The following LRP12 variants were observed in gnomAD, a reference collection of about 807,000 sequenced individuals.
The protein encoded by LRP12 is low-density lipoprotein receptor-related protein 12.
LRP12 carries 14 observed loss-of-function variants against 66.0 expected under a neutral mutation model. The ratio of observed to expected loss-of-function variants is 0.21; its 90% CI spans 0.14 to 0.33. LRP12 has a LOEUF of 0.33. Ranked by LOEUF, LRP12 falls within the 10% of genes least tolerant of loss-of-function variation. The pLI, the probability that LRP12 is intolerant of heterozygous loss-of-function variation, is 1.00. For missense variants in LRP12, 889 were observed against 1,053.4 expected, an observed-to-expected ratio of 0.84 and a Z score of 2.16; for synonymous variants, 357 against 359.1, an observed-to-expected ratio of 0.99 and a Z score of 0.07.
chr8:104,576,982 C>A (rs1037024865), intron 1 of LRP12, among the ~76,000 whole-genome samples: 2 of 151,874 alleles, frequency 1.3e-5, no homozygotes, highest in African/African-American at 4.8e-5. Context: ...AAACACAGAT[C>A]GAAAAAGACA....
chr8:104,565,489 T>A (rs1369312783), intron 1 of LRP12, among the ~76,000 whole-genome samples: 1 of 152,066 alleles, frequency 6.6e-6, no homozygotes, highest in African/African-American at 2.4e-5. Context: ...AGCCTGGAAT[T>A]CCATATCCAG....
intron 2 of LRP12, among the ~76,000 whole-genome samples, chr8:104,513,004 T>C (rs1469028342): frequency 6.6e-6 from 1 of 152,232 alleles, no homozygotes; most frequent in Non-Finnish European, 1.5e-5. Flanking sequence ...GATTTAGTTA[T>C]GCACATTTCC....
At chr8:104,537,644 C>G (rs1047690259) in intron 1 of LRP12, among the ~76,000 whole-genome samples, 2 of 152,098 alleles carry the variant, frequency 1.3e-5, no homozygotes, top group Non-Finnish European at 2.9e-5. Context: ...AACTAGAACT[C>G]TCAAAAATTG....
At chr8:104,576,060 A>T (rs150877635) in intron 1 of LRP12, among the ~76,000 whole-genome samples, 1 of 152,318 alleles carries the variant, frequency 6.6e-6, no homozygotes, top group East Asian at 1.9e-4. Context: ...AGATAGTCAG[A>T]CAAGAACAGA....
At chr8:104,556,603 C>G (rs1244974342) in intron 1 of LRP12, among the ~76,000 whole-genome samples, 1 of 152,070 alleles carries the variant, frequency 6.6e-6, no homozygotes, top group Non-Finnish European at 1.5e-5. Flanking sequence ...CAATAACAAG[C>G]AGCAAGGCTG....
At chr8:104,548,628 T>A (rs1020624443) in intron 1 of LRP12, among the ~76,000 whole-genome samples, 4 of 114,526 alleles carry the variant, frequency 3.5e-5, no homozygotes, top group Admixed American at 8.5e-5. Context: ...ATTATATAAT[T>A]ATTATATAAT....
chr8:104,564,586 A>T (rs1300103738), intron 1 of LRP12, among the ~76,000 whole-genome samples: 2 of 151,990 alleles, frequency 1.3e-5, no homozygotes, highest in Non-Finnish European at 2.9e-5. Context: ...GAAAGACACA[A>T]ATCAGCACCG....
intron 3 of LRP12, chr8:104,504,603 CTTTTA>C (rs1810877451): frequency 1.3e-5 from 2 of 151,732 alleles, no homozygotes; most frequent in Non-Finnish European, 2.9e-5. Context: ...TTATTTTTTT[CTTTTA>C]TTTTAATTGC....
Position 104,514,146 on chromosome 8 carries a change from C to T in LRP12, c.137-5072G>A, listed in dbSNP as rs535241652. On this transcript the variant is annotated intron_variant, in intron 2 of 6. Transcript: ENST00000276654. ...CAGTCAGAAATTGAGCCTGCCTTCA[C>T]CACTTCTTAGGGAACCAAGGCCTGT... Among the ~76,000 whole-genome samples the T allele has an allele frequency of 1.2e-4, 19 of 152,192 alleles. No homozygotes were observed. In the South Asian group the frequency reaches 1.7e-3, roughly 13 times the overall value.
chr8:104,535,297 A>G (rs941186385), intron 1 of LRP12, among the ~76,000 whole-genome samples: 1 of 152,008 alleles, frequency 6.6e-6, no homozygotes, highest in South Asian at 2.1e-4. Context: ...GCTTTAGGAA[A>G]GAAACTATAC....
At chr8:104,510,325 C>CA (rs148916272) in intron 2 of LRP12, among the ~76,000 whole-genome samples, 3,643 of 152,262 alleles carry the variant, frequency 0.024, 108 homozygotes, top group African/African-American at 0.065. Flanking sequence ...CTATTTATTA[C>CA]AGGGTTATGA....
At chr8:104,585,436 G>C (rs1408015655) in intron 1 of LRP12, among the ~76,000 whole-genome samples, 6 of 152,066 alleles carry the variant, frequency 3.9e-5, no homozygotes, top group African/African-American at 1.4e-4. Flanking sequence ...ATGTTGGCCA[G>C]GCTGGTCTCA....
intron 6 of LRP12, among the ~76,000 whole-genome samples, chr8:104,492,099 T>G (rs1432563245): frequency 6.6e-6 from 1 of 152,084 alleles, no homozygotes; most frequent in Non-Finnish European, 1.5e-5. Flanking sequence ...AGGATTTAAT[T>G]ATATTGTCAC....
intron 1 of LRP12, among the ~76,000 whole-genome samples, chr8:104,549,925 T>C (rs1304018427): frequency 6.6e-6 from 1 of 152,172 alleles, no homozygotes; most frequent in Admixed American, 6.5e-5. Context: ...TCGCCTCTCT[T>C]TCCAACTATT....
chr8:104,502,526 C>A (rs1810842133), intron 3 of LRP12, among the ~76,000 whole-genome samples: 1 of 152,158 alleles, frequency 6.6e-6, no homozygotes, highest in Non-Finnish European at 1.5e-5. Context: ...ATCCTGACAC[C>A]TCAAGCTGAC....
chr8:104,536,362 C>T (rs1481992529), intron 1 of LRP12, among the ~76,000 whole-genome samples: 6 of 152,006 alleles, frequency 3.9e-5, no homozygotes, highest in Admixed American at 6.6e-5. Context: ...GCATCTGACA[C>T]TGTCACTTTT....
intron 2 of LRP12, among the ~76,000 whole-genome samples, chr8:104,520,888 AAT>A (rs1425258885): frequency 1.3e-5 from 2 of 152,060 alleles, no homozygotes; most frequent in Non-Finnish European, 2.9e-5. Flanking sequence ...GAAAATGTCA[AAT>A]GCTTGAACAG....
At chr8:104,552,826 G>A (rs1314962958) in intron 1 of LRP12, among the ~76,000 whole-genome samples, 1 of 152,128 alleles carries the variant, frequency 6.6e-6, no homozygotes, top group African/African-American at 2.4e-5. Context: ...AACTACCACA[G>A]AAACATACCA....
At chr8:104,553,792 A>C (rs1007292459) in intron 1 of LRP12, among the ~76,000 whole-genome samples, 1 of 152,218 alleles carries the variant, frequency 6.6e-6, no homozygotes. Flanking sequence ...TGCTCTCTTG[A>C]AAGTGCCACC....
Sources: gnomAD v4.1 joint callset for allele counts (sites outside exome capture counted in the v4.1 genomes callset) on GRCh38, gnomAD v4.1.1 for gene constraint, MANE v1.5 for transcripts, NCBI Gene and HGNC (gene_info 2026-07-23, HGNC 2026-07-21) for gene names.